Variants in LRBA observed in about 807,000 individuals in gnomAD.
LRBA encodes lipopolysaccharide-responsive and beige-like anchor protein.
LRBA carries 176 observed loss-of-function variants against 330.0 expected under a neutral mutation model. That is an observed-to-expected ratio of 0.53 (90% CI 0.47 to 0.60). The LOEUF (loss-of-function observed/expected upper bound fraction) is 0.60. Ranked by LOEUF, LRBA falls within the 20% of genes least tolerant of loss-of-function variation. The pLI, the probability that LRBA is intolerant of heterozygous loss-of-function variation, is 0.00. For missense variants in LRBA, 3,259 were observed against 3,444.8 expected (o/e 0.95, Z 1.35); for synonymous variants, 1,230 against 1,193.0 (o/e 1.03, Z -0.64).
intron 47 of LRBA, among the ~76,000 whole-genome samples, chr4:150,394,350 A>G (rs1276913787): frequency 6.6e-6 from 1 of 152,228 alleles, no homozygotes. Context: ...ATAAAATTAC[A>G]GAGGCAGTTG....
chr4:150,964,108 C>G (rs567645458), intron 2 of LRBA, among the ~76,000 whole-genome samples: 71 of 149,052 alleles, frequency 4.8e-4, no homozygotes, highest in Middle Eastern at 6.8e-3. Flanking sequence ...CGCCCGGCAG[C>G]CGCCCCGTCC....
In LRBA at chr4:150,282,480, C is replaced by T. The variant is rs1747666077; in HGVS notation, c.8286G>A (p.Gln2762=). ...TGTTATCATCTGTTTCCATCGTGGCCTGGAGTTTTCCATTCACACTGAATG... is the reference window on the plus strand; with the variant it reads ...TGTTATCATCTGTTTCCATCGTGGCTTGGAGTTTTCCATTCACACTGAATG... The part of the protein sequence containing the change: ...FCTFSVNGKL[Q]ATMETDDNIR... Residue 2762 remains glutamine (Q), a synonymous_variant, in exon 55 of 57, where the codon CAG becomes CAA. Coordinates refer to ENST00000651943, the MANE Select transcript of LRBA (RefSeq NM_001364905.1). 2.5e-6 allele frequency: 4 copies of T among 1,614,136 alleles called. No individual in the cohort carries two copies. Among genetic ancestry groups the T allele is most frequent in the Non-Finnish European group, 3.4e-6 (4 of 1,180,008 alleles).
chr4:150,320,562 T>G (rs1455873714), intron 50 of LRBA, among the ~76,000 whole-genome samples: 2 of 152,058 alleles, frequency 1.3e-5, no homozygotes, highest in Non-Finnish European at 2.9e-5. Flanking sequence ...ATCCCAACAC[T>G]TTAAGAGGCT....
chr4:150,447,405 G>A (rs959910714), intron 44 of LRBA, among the ~76,000 whole-genome samples: 12 of 152,184 alleles, frequency 7.9e-5, no homozygotes, highest in African/African-American at 2.9e-4. Context: ...GCAGAGAAAG[G>A]AGGAATTTGC....
chr4:150,879,975 C>T (rs1421616329), intron 17 of LRBA, among the ~76,000 whole-genome samples: 1 of 152,120 alleles, frequency 6.6e-6, no homozygotes, highest in Non-Finnish European at 1.5e-5. Context: ...GGAGTCATCA[C>T]AATACCCAAC....
intron 40 of LRBA, among the ~76,000 whole-genome samples, chr4:150,509,352 T>C (rs1761550879): frequency 6.6e-6 from 1 of 152,026 alleles, no homozygotes; most frequent in Non-Finnish European, 1.5e-5. Flanking sequence ...TATTTAAAAT[T>C]GGATGAAAAT....
At chr4:150,283,765 G>T (rs1747834544) in intron 54 of LRBA, among the ~76,000 whole-genome samples, 1 of 152,154 alleles carries the variant, frequency 6.6e-6, no homozygotes, top group African/African-American at 2.4e-5. Flanking sequence ...ATTGCATAAA[G>T]TATGCACTTT....
intron 40 of LRBA, among the ~76,000 whole-genome samples, chr4:150,547,322 A>T (rs1765973582): frequency 6.6e-6 from 1 of 152,178 alleles, no homozygotes; most frequent in Non-Finnish European, 1.5e-5. Flanking sequence ...GAAAAATGCG[A>T]CAAAACACAC....
chr4:150,554,155 G>C (rs1029511232), intron 40 of LRBA, among the ~76,000 whole-genome samples: 2 of 152,190 alleles, frequency 1.3e-5, no homozygotes, highest in Non-Finnish European at 2.9e-5. Context: ...ATATAAGCAA[G>C]AGCCTCCTCT....
intron 44 of LRBA, among the ~76,000 whole-genome samples, chr4:150,465,878 C>T (rs1248920876): frequency 6.6e-6 from 1 of 151,724 alleles, no homozygotes; most frequent in Non-Finnish European, 1.5e-5. Context: ...CAGAAATTAA[C>T]AAAACAAAAT....
At chr4:150,910,741 T>C (rs1195624941) in intron 9 of LRBA, among the ~76,000 whole-genome samples, 1 of 151,932 alleles carries the variant, frequency 6.6e-6, no homozygotes, top group Non-Finnish European at 1.5e-5. Context: ...GTACTGAATC[T>C]GTAGATTGCT....
intron 47 of LRBA, among the ~76,000 whole-genome samples, chr4:150,382,557 AG>A (rs1742434111): frequency 6.6e-6 from 1 of 151,500 alleles, no homozygotes; most frequent in Non-Finnish European, 1.5e-5. Context: ...TGGGAGGCAG[AG>A]GCTGCAGTGA....
chr4:150,621,519 C>G (rs950557558), intron 37 of LRBA, among the ~76,000 whole-genome samples: 2 of 152,104 alleles, frequency 1.3e-5, no homozygotes, highest in African/African-American at 4.8e-5. Flanking sequence ...TAATTAAATA[C>G]CTGTTGGATC....
Position 150,593,952 on chromosome 4 carries a change from T to A in LRBA, c.6047-3093A>T, listed in dbSNP as rs534593000. 4.6e-5 allele frequency among the ~76,000 whole-genome samples: 7 copies of A among 152,242 alleles called. No homozygotes were observed. The South Asian group carries it at 8.3e-4, about 18-fold the overall frequency. ...ATCCCTTCCAATTGCAATTAAAAAA[T>A]TTTTAAATATGTTCTAATCATGCTG... On this transcript the variant is annotated intron_variant, in intron 38 of 56. Transcript: ENST00000651943.
chr4:150,535,046 ATATTT>A (rs1164086387), intron 40 of LRBA, among the ~76,000 whole-genome samples: 1 of 152,200 alleles, frequency 6.6e-6, no homozygotes, highest in African/African-American at 2.4e-5. Flanking sequence ...TATACCTTTT[ATATTT>A]TAATGTTTTT....
At chr4:150,903,101 G>C (rs1180703979) in intron 13 of LRBA, among the ~76,000 whole-genome samples, 2 of 152,186 alleles carry the variant, frequency 1.3e-5, no homozygotes, top group Admixed American at 6.5e-5. Flanking sequence ...AAATATTGGC[G>C]TTGGGCATGG....
intron 34 of LRBA, among the ~76,000 whole-genome samples, chr4:150,793,093 A>G (rs955339733): frequency 9.2e-5 from 14 of 152,024 alleles, no homozygotes; most frequent in Admixed American, 7.9e-4. Flanking sequence ...ACAAAAAAAA[A>G]AAAGAAAGAG....
At chr4:150,902,384 G>C (rs188246831) in intron 13 of LRBA, among the ~76,000 whole-genome samples, 4 of 151,852 alleles carry the variant, frequency 2.6e-5, no homozygotes, top group Admixed American at 2.6e-4. Context: ...TTTTAATACT[G>C]ATGCCTGAGT....
chr4:150,352,333 G>A lies in LRBA; in HGVS notation c.7195-2174C>T, dbSNP rs148967328. 5.9e-3 allele frequency among the ~76,000 whole-genome samples: 900 copies of A among 152,146 alleles called. 6 individuals are homozygous for A. Among genetic ancestry groups the A allele is most frequent in the African/African-American group, 0.02 (844 of 41,534 alleles). ...TATTAAAATAAGTGCCTATGAAAAA[G>A]AAATGTTTATAGCTAAATACAAAAA... On this transcript the variant is annotated intron_variant, in intron 47 of 56. Coordinates refer to ENST00000651943, the MANE Select transcript of LRBA (RefSeq NM_001364905.1).
Sources: allele counts gnomAD v4.1 joint callset (sites outside exome capture counted in the v4.1 genomes callset), GRCh38; gene constraint gnomAD v4.1.1; transcripts MANE v1.5; gene names NCBI Gene and HGNC (gene_info 2026-07-23, HGNC 2026-07-21).